The following CTCF variants were observed in gnomAD, a reference collection of about 807,000 sequenced individuals.
CTCF encodes transcriptional repressor CTCF.
CTCF carries 7 observed loss-of-function variants against 72.3 expected under a neutral mutation model. That is an observed-to-expected ratio of 0.10 (90% CI 0.06 to 0.18). The LOEUF (loss-of-function observed/expected upper bound fraction) is 0.18, where lower values mean the gene tolerates loss of function less well. Ranked by LOEUF, CTCF falls within the 10% of genes least tolerant of loss-of-function variation. The pLI is 1.00. For missense variants in CTCF, 516 were observed against 949.1 expected (o/e 0.54, Z 6.00); for synonymous variants, 374 against 315.8 (o/e 1.18, Z -1.95).
At chr16:67,599,076 TAAG>T (rs1227754051) in intron 2 of CTCF, among the ~76,000 whole-genome samples, 1 of 152,144 alleles carries the variant, frequency 6.6e-6, no homozygotes, top group African/African-American at 2.4e-5. Flanking sequence ...TAGAGCTAGC[TAAG>T]AAGTGGCTGA....
intron 2 of CTCF, among the ~76,000 whole-genome samples, chr16:67,587,632 A>G (rs1307660445): frequency 6.6e-6 from 1 of 151,930 alleles, no homozygotes; most frequent in Non-Finnish European, 1.5e-5. Context: ...TGAAACTTCA[A>G]GGCTTACTCT....
intron 2 of CTCF, chr16:67,572,564 G>C (rs542229976): frequency 6.6e-6 from 1 of 152,144 alleles, no homozygotes; most frequent in Non-Finnish European, 1.5e-5. Context: ...TTCAGTTATA[G>C]TCATAGAGGA....
intron 11 of CTCF, among the ~76,000 whole-genome samples, chr16:67,637,259 C>T (rs576683372): frequency 1.5e-3 from 221 of 152,258 alleles, no homozygotes; most frequent in South Asian, 2.3e-3. Flanking sequence ...CAGGGTCAGG[C>T]GGTGGCTCAT....
At chr16:67,599,168 T>C (rs1044477037) in intron 2 of CTCF, among the ~76,000 whole-genome samples, 2 of 152,066 alleles carry the variant, frequency 1.3e-5, no homozygotes, top group Non-Finnish European at 2.9e-5. Flanking sequence ...AGGCCGAGGC[T>C]GGTGGATCAC....
At chr16:67,609,393 CTACA>C (rs2142818476) in intron 2 of CTCF, among the ~76,000 whole-genome samples, 2 of 152,266 alleles carry the variant, frequency 1.3e-5, no homozygotes, top group Admixed American at 1.3e-4. Context: ...GTCTTCCCCA[CTACA>C]TGTGTAAGAT....
At chr16:67,630,791 G>A (rs2052352579) in intron 10 of CTCF, among the ~76,000 whole-genome samples, 1 of 152,126 alleles carries the variant, frequency 6.6e-6, no homozygotes, top group African/African-American at 2.4e-5. Flanking sequence ...CACAAAGAGG[G>A]TGGAGGAACA....
intron 2 of CTCF, among the ~76,000 whole-genome samples, chr16:67,602,435 G>A (rs1407792777): frequency 6.6e-6 from 1 of 152,170 alleles, no homozygotes; most frequent in African/African-American, 2.4e-5. Context: ...TCACTCTGAA[G>A]TAAATTGGGC....
At chr16:67,586,660 CAAAG>C (rs1165999386) in intron 2 of CTCF, among the ~76,000 whole-genome samples, 2 of 151,524 alleles carry the variant, frequency 1.3e-5, no homozygotes, top group African/African-American at 4.9e-5. Flanking sequence ...AAAAAAAAAA[CAAAG>C]TAACATTTTG....
At chr16:67,594,666 A>G (rs553358825) in intron 2 of CTCF, among the ~76,000 whole-genome samples, 2 of 152,268 alleles carry the variant, frequency 1.3e-5, no homozygotes, top group Non-Finnish European at 2.9e-5. Context: ...TTAGCATATA[A>G]ACAGTGTTTT....
intron 2 of CTCF, among the ~76,000 whole-genome samples, chr16:67,581,054 G>C (rs141623369): frequency 6.6e-6 from 1 of 151,808 alleles, no homozygotes; most frequent in Non-Finnish European, 1.5e-5. Context: ...TCAGCCTCCC[G>C]AGAAGCTGGG....
rs58241150 is a variant in CTCF at position 67,601,294 on chromosome 16, C to CGTGTGTGTGT, written c.-9-9495_-9-9486dup. 9.1e-3 allele frequency among the ~76,000 whole-genome samples: 895 copies of CGTGTGTGTGT among 98,660 alleles called. 12 individuals are homozygous for CGTGTGTGTGT. Among genetic ancestry groups the CGTGTGTGTGT allele is most frequent in the Non-Finnish European group, 0.012 (629 of 50,422 alleles). 64.7% of individuals were successfully genotyped at this position (98,660 alleles called of 152,430 possible). A position where few individuals can be genotyped will look rare whatever the true frequency, so the allele number is the denominator to read the frequency against. On this transcript the variant is annotated intron_variant, in intron 2 of 11. Coordinates refer to ENST00000264010, the MANE Select transcript of CTCF (RefSeq NM_006565.4). ...TTAAGACAGAGTCTCACTCTGTCAC[C>CGTGTGTGTGT]GTGTGTGTGTGTGTGTGTGTGTGTG... is the stretch of plus-strand genomic sequence containing the variant.
intron 2 of CTCF, among the ~76,000 whole-genome samples, chr16:67,592,107 T>G (rs1041004189): frequency 2.0e-5 from 3 of 152,050 alleles, no homozygotes; most frequent in Non-Finnish European, 4.4e-5. Context: ...TCAGTCAACA[T>G]TTTTCTAATG....
chr16:67,590,837 A>G (rs527716514), intron 2 of CTCF, among the ~76,000 whole-genome samples: 1 of 151,788 alleles, frequency 6.6e-6, no homozygotes, highest in East Asian at 2.0e-4. Context: ...GGTGCCTGTA[A>G]TCAATCCCAG....
chr16:67,618,129 G>A (rs2052157051), intron 5 of CTCF, among the ~76,000 whole-genome samples: 1 of 152,162 alleles, frequency 6.6e-6, no homozygotes, highest in Admixed American at 6.6e-5. Context: ...TTTAGGCTGG[G>A]CATGGTGGCT....
intron 2 of CTCF, among the ~76,000 whole-genome samples, chr16:67,607,343 T>A (rs2051987873): frequency 6.6e-6 from 1 of 151,116 alleles, no homozygotes; most frequent in Non-Finnish European, 1.5e-5. Context: ...TCTCACTCTG[T>A]CGCCCAGGCT....
At chr16:67,606,657 A>G (rs989997533) in intron 2 of CTCF, among the ~76,000 whole-genome samples, 1 of 152,182 alleles carries the variant, frequency 6.6e-6, no homozygotes, top group African/African-American at 2.4e-5. Context: ...GTGCCTAGAC[A>G]GAGAATTGGA....
At position 67,637,991 on chromosome 16, in the gene CTCF, AC is replaced by A; in HGVS notation, c.*121del. On this transcript the variant is annotated 3_prime_UTR_variant, in exon 12 of 12. Transcript: ENST00000264010. ...GGAAAAGCATCATTTTACCAAACATACCGAGAACGAAAACTTCAAGGATGAT... is the reference window on the plus strand; with the variant it reads ...GGAAAAGCATCATTTTACCAAACATACGAGAACGAAAACTTCAAGGATGAT... The A allele has an allele frequency of 1.1e-6, 1 of 911,536 alleles. No homozygotes were observed. The highest frequency in any genetic ancestry group is 1.6e-6 in the Non-Finnish European group (1 of 623,622). The allele number at this position is 911,536 out of a possible 1,614,324, so 56.5% of individuals were successfully genotyped here.
chr16:67,600,212 A>T (rs1302192571), intron 2 of CTCF, among the ~76,000 whole-genome samples: 1 of 151,950 alleles, frequency 6.6e-6, no homozygotes, highest in East Asian at 1.9e-4. Flanking sequence ...TTTAGTAAGG[A>T]CAGATATTTA....
chr16:67,586,693 C>T (rs1464196255), intron 2 of CTCF, among the ~76,000 whole-genome samples: 1 of 151,750 alleles, frequency 6.6e-6, no homozygotes. Context: ...GTTGTTTAAA[C>T]TTCTACATGT....
Sources: gnomAD v4.1 joint callset for allele counts (sites outside exome capture counted in the v4.1 genomes callset) on GRCh38, gnomAD v4.1.1 for gene constraint, MANE v1.5 for transcripts, NCBI Gene and HGNC (gene_info 2026-07-23, HGNC 2026-07-21) for gene names.